TTC17: variants seen among roughly 807,000 people sequenced by gnomAD.
TTC17 encodes the protein tetratricopeptide repeat protein 17.
In TTC17, 58 loss-of-function variants were observed where a neutral mutation model predicts 143.8. The observed-to-expected ratio is 0.40, with a 90% confidence interval of 0.33 to 0.50. The LOEUF is 0.50. TTC17 is among the 20% of genes least tolerant of loss of function. The pLI is 0.49. For synonymous variants in TTC17, 501 were observed against 497.8 expected (o/e 1.01, Z -0.09); for missense variants, 1,273 against 1,392.5 (o/e 0.91, Z 1.37).
intron 1 of TTC17, among the ~76,000 whole-genome samples, chr11:43,374,157 A>C (rs1369496556): frequency 6.6e-6 from 1 of 152,184 alleles, no homozygotes; most frequent in East Asian, 1.9e-4. Context: ...GAAATACATA[A>C]AAAAATTTTT....
At chr11:43,403,355 G>T (rs1159072476) in intron 10 of TTC17, among the ~76,000 whole-genome samples, 1 of 152,002 alleles carries the variant, frequency 6.6e-6, no homozygotes, top group Non-Finnish European at 1.5e-5. Context: ...TTTTCCTTTT[G>T]TCTTTCCTAC....
intron 1 of TTC17, among the ~76,000 whole-genome samples, chr11:43,372,384 C>G (rs1856601196): frequency 6.6e-6 from 1 of 151,900 alleles, no homozygotes; most frequent in Admixed American, 6.6e-5. Context: ...TTCACTGCAA[C>G]TTCCACTTCC....
chr11:43,443,453 G>T lies in TTC17; in HGVS notation c.2380G>T (p.Ala794Ser). 6.2e-7 allele frequency: 1 copy of T among 1,614,180 alleles called. No homozygotes were observed. The highest frequency in any genetic ancestry group is 8.5e-7 in the Non-Finnish European group (1 of 1,180,016). The change falls in exon 17 of 24, where the codon GCA (alanine) becomes TCA (serine). Residue 794 changes from alanine to serine, a missense_variant. Physicochemically the swap from Ala to Ser is moderately conservative, Grantham distance 99 (BLOSUM62 1). Coordinates refer to ENST00000039989, the MANE Select transcript of TTC17 (RefSeq NM_018259.6). ...ATGGCCTTTGGAAGGCTTTGGGGGT[G>T]CACTAGAGATGAAAGGGCGGCGTCT... Reference protein sequence around the residue: ...QAWPLEGFGGALEMKGRRLDL... With the variant: ...QAWPLEGFGGSLEMKGRRLDL...
At chr11:43,470,218 C>T (rs745520157) in intron 21 of TTC17, among the ~76,000 whole-genome samples, 10 of 152,232 alleles carry the variant, frequency 6.6e-5, no homozygotes, top group Non-Finnish European at 7.4e-5. Flanking sequence ...ACATTCATGC[C>T]GCTGCAGCAG....
chr11:43,458,341 A>G (rs755180858), intron 21 of TTC17, among the ~76,000 whole-genome samples: 6 of 152,142 alleles, frequency 3.9e-5, no homozygotes, highest in Non-Finnish European at 8.8e-5. Context: ...CCAGCTCCCC[A>G]TGGTCTCTCT....
intron 17 of TTC17, 62 bp downstream of exon 17, chr11:43,443,646 T>A (rs1316671232): frequency 1.4e-5 from 21 of 1,541,606 alleles, no homozygotes; most frequent in Non-Finnish European, 1.8e-5. Flanking sequence ...GATCCTAATA[T>A]GCAAAGTGGG....
intron 2 of TTC17, among the ~76,000 whole-genome samples, chr11:43,382,126 CAG>C: frequency 6.6e-6 from 1 of 152,108 alleles, no homozygotes. Flanking sequence ...TCTTAGATAA[CAG>C]AAGACAGTGA....
At chr11:43,382,405 A>G (rs986719045) in intron 2 of TTC17, among the ~76,000 whole-genome samples, 3 of 152,208 alleles carry the variant, frequency 2.0e-5, no homozygotes, top group Admixed American at 6.5e-5. Context: ...CTAAGGTCAA[A>G]CTAGATAAAA....
In TTC17 at chr11:43,401,762, A is replaced by G. The variant is rs1857865404; in HGVS notation, c.1332+204A>G. The G allele has an allele frequency of 6.6e-6, 3 of 457,814 alleles. No homozygotes were observed. The South Asian group carries it at 8.0e-5, about 12-fold the overall frequency. 28.4% of individuals were successfully genotyped at this position (457,814 alleles called of 1,614,324 possible). On this transcript the variant is annotated intron_variant, in intron 10 of 23. Coordinates refer to ENST00000039989, the MANE Select transcript of TTC17 (RefSeq NM_018259.6). ...GGGAGGCAGAGGCAGAAGGATCACG[A>G]GCCCAGGAGTTCAAGACCAGCCTGG...
chr11:43,480,097 C>T (rs1244137420), intron 21 of TTC17, among the ~76,000 whole-genome samples: 1 of 152,178 alleles, frequency 6.6e-6, no homozygotes, highest in African/African-American at 2.4e-5. Context: ...ATGTGGTTTG[C>T]AGAGTGCCAG....
intron 21 of TTC17, among the ~76,000 whole-genome samples, chr11:43,458,089 A>G (rs1038117834): frequency 1.4e-4 from 21 of 152,200 alleles, no homozygotes; most frequent in African/African-American, 5.1e-4. Context: ...GCTGTTTACT[A>G]TTACAGAACT....
intron 1 of TTC17, among the ~76,000 whole-genome samples, chr11:43,375,128 C>T (rs1371347683): frequency 2.0e-5 from 3 of 152,160 alleles, no homozygotes; most frequent in Non-Finnish European, 2.9e-5. Context: ...TTCTTTGCTT[C>T]GTCATCCCCA....
rs57982323 is a variant in TTC17 at position 43,412,981 on chromosome 11, G to GACACACAC, written c.2065-1569_2065-1562dup. Among the ~76,000 whole-genome samples the GACACACAC allele has an allele frequency of 4.3e-3, 599 of 140,466 alleles. 4 individuals carry two copies. Among genetic ancestry groups the GACACACAC allele is most frequent in the African/African-American group, 0.013 (491 of 37,640 alleles). The allele number at this position is 140,466 out of a possible 152,430, so 92.2% of individuals were successfully genotyped here. On this transcript the variant is annotated intron_variant, in intron 15 of 23. Coordinates refer to ENST00000039989, the MANE Select transcript of TTC17 (RefSeq NM_018259.6). ...TCTACATAGAACTGGACCTAGAATA[G>GACACACAC]ACACACACACACACACACACACACA...
At chr11:43,491,884 G>C in intron 22 of TTC17, 136 bp from the exon 23 acceptor site, 1 of 1,127,766 alleles carries the variant, frequency 8.9e-7, no homozygotes, top group South Asian at 1.6e-5. Context: ...GTAGCAAACA[G>C]CACAAAAGCA....
At chr11:43,359,269 A>G in intron 1 of TTC17, 156 bp downstream of exon 1, 1 of 917,608 alleles carries the variant, frequency 1.1e-6, no homozygotes, top group Non-Finnish European at 1.5e-6. Flanking sequence ...CATTCGGACC[A>G]GGCAGGCACT....
In TTC17 at chr11:43,359,122, CG is replaced by C; in HGVS notation, c.159+13del. The C allele has an allele frequency of 6.3e-7, 1 of 1,576,374 alleles. No homozygotes were observed. Among genetic ancestry groups the C allele is most frequent in the Non-Finnish European group, 8.6e-7 (1 of 1,163,614 alleles). On this transcript the variant is annotated intron_variant, in intron 1 of 23. Transcript: ENST00000039989. ...GGAAAATCCAGCAGCAGGTAGCGGC[CG>C]GGGCGTCCCTCTTCTCCCGTGCCCG...
intron 18 of TTC17, 66 bp downstream of exon 18, chr11:43,444,275 G>T (rs1839912989): frequency 1.3e-6 from 2 of 1,491,190 alleles, no homozygotes; most frequent in Middle Eastern, 1.8e-4. Flanking sequence ...TCTCACAAAG[G>T]TTGTATTTGT....
At chr11:43,426,427 A>G (rs1320879997) in intron 16 of TTC17, among the ~76,000 whole-genome samples, 1 of 152,246 alleles carries the variant, frequency 6.6e-6, no homozygotes, top group Admixed American at 6.5e-5. Flanking sequence ...TGCATTGGCC[A>G]TATTTACTTA....
At chr11:43,371,925 A>G (rs1158498722) in intron 1 of TTC17, among the ~76,000 whole-genome samples, 2 of 152,180 alleles carry the variant, frequency 1.3e-5, no homozygotes, top group South Asian at 2.1e-4. Flanking sequence ...AAATGTATTC[A>G]TGGCCTGACG....
Sources: gnomAD v4.1 joint callset for allele counts (sites outside exome capture counted in the v4.1 genomes callset) on GRCh38, gnomAD v4.1.1 for gene constraint, MANE v1.5 for transcripts, NCBI Gene and HGNC (gene_info 2026-07-23, HGNC 2026-07-21) for gene names.